The following CDS1 variants were observed in gnomAD, a reference collection of about 807,000 sequenced individuals.
The protein encoded by CDS1 is CDP-diacylglycerol synthase 1.
A neutral mutation model predicts 62.1 loss-of-function variants in CDS1; 41 were observed. That is an observed-to-expected ratio of 0.66 (90% CI 0.51 to 0.86). CDS1 has a LOEUF of 0.86. CDS1 is among the 40% of genes least tolerant of loss of function. The probability of loss-of-function intolerance (pLI) is 0.00; values close to 1 mark genes in which losing one functional copy is unlikely to be tolerated. For synonymous variants in CDS1, 185 were observed against 192.6 expected (o/e 0.96, Z 0.32); for missense variants, 470 against 550.1 (o/e 0.85, Z 1.46).
intron 1 of CDS1, among the ~76,000 whole-genome samples, chr4:84,595,230 G>T (rs1001759530): frequency 6.6e-6 from 1 of 152,134 alleles, no homozygotes; most frequent in Non-Finnish European, 1.5e-5. Flanking sequence ...CCTTAGGAAA[G>T]AATTCTGGCT....
At chr4:84,626,686 C>T (rs1282276722) in intron 5 of CDS1, among the ~76,000 whole-genome samples, 1 of 152,188 alleles carries the variant, frequency 6.6e-6, no homozygotes, top group Non-Finnish European at 1.5e-5. Context: ...TACTATATGT[C>T]TATTATCATT....
chr4:84,604,117 ATAG>A (rs1351606041), intron 1 of CDS1, 123 bp from the exon 2 acceptor site: 7 of 752,530 alleles, frequency 9.3e-6, no homozygotes, highest in East Asian at 8.1e-5. Context: ...TTCAAGATAA[ATAG>A]TAGTTTCTTT....
At chr4:84,616,868 G>A (rs747673772) in intron 3 of CDS1, among the ~76,000 whole-genome samples, 4 of 152,204 alleles carry the variant, frequency 2.6e-5, no homozygotes, top group African/African-American at 4.8e-5. Flanking sequence ...ATCTAAACCC[G>A]TTTAATAGGT....
rs1300113080 is a variant in CDS1 at position 84,605,831 on chromosome 4, A to G, written c.245+1461A>G. Among the ~76,000 whole-genome samples, 4 of 152,272 alleles carry G rather than the reference A, an allele frequency of 2.6e-5. No individual in the cohort carries two copies. In the East Asian group the frequency reaches 7.7e-4, roughly 29 times the overall value. On this transcript the variant is annotated intron_variant, in intron 2 of 12. Coordinates refer to ENST00000295887, the MANE Select transcript of CDS1 (RefSeq NM_001263.4). ...GTATTGTTTCAGGCACTTTATATGT[A>G]TTGACTAATATTCTCATGGCAGCCT...
At chr4:84,643,693 T>C (rs1428770641) in intron 11 of CDS1, among the ~76,000 whole-genome samples, 1 of 152,250 alleles carries the variant, frequency 6.6e-6, no homozygotes, top group African/African-American at 2.4e-5. Flanking sequence ...TGGGCATGGC[T>C]GGATTTAATA....
chr4:84,599,418 A>G (rs1484706621), intron 1 of CDS1, among the ~76,000 whole-genome samples: 8 of 18,314 alleles, frequency 4.4e-4, no homozygotes, highest in African/African-American at 1.3e-3. Flanking sequence ...ATATATATAT[A>G]TATATATATA....
At chr4:84,603,165 C>T (rs1205905149) in intron 1 of CDS1, among the ~76,000 whole-genome samples, 1 of 152,116 alleles carries the variant, frequency 6.6e-6, no homozygotes, top group Non-Finnish European at 1.5e-5. Flanking sequence ...ATGACATTTG[C>T]CAATGTTTTG....
chr4:84,627,914 T>C (rs529411374), intron 5 of CDS1, among the ~76,000 whole-genome samples: 1 of 152,294 alleles, frequency 6.6e-6, no homozygotes, highest in South Asian at 2.1e-4. Flanking sequence ...ATACACATGC[T>C]AGTATTGGTT....
intron 3 of CDS1, among the ~76,000 whole-genome samples, chr4:84,613,138 T>C (rs938635918): frequency 3.3e-5 from 5 of 152,062 alleles, no homozygotes; most frequent in Non-Finnish European, 5.9e-5. Context: ...AGAATATGGA[T>C]GATTCACACA....
At chr4:84,623,808 A>G (rs974870383) in intron 5 of CDS1, among the ~76,000 whole-genome samples, 1 of 151,984 alleles carries the variant, frequency 6.6e-6, no homozygotes, top group Admixed American at 6.6e-5. Context: ...GCGGGTGCTC[A>G]TGTCTTGAGT....
chr4:84,621,735 A>G (rs1441380584), intron 5 of CDS1, among the ~76,000 whole-genome samples: 1 of 152,078 alleles, frequency 6.6e-6, no homozygotes, highest in Admixed American at 6.6e-5. Context: ...CCTTTCATTC[A>G]GGTTTATTGT....
At chr4:84,640,210 A>G (rs1221784897) in intron 9 of CDS1, among the ~76,000 whole-genome samples, 1 of 149,622 alleles carries the variant, frequency 6.7e-6, no homozygotes, top group East Asian at 1.9e-4. Flanking sequence ...TTTGGAAGCA[A>G]AATCAGTTTA....
intron 1 of CDS1, among the ~76,000 whole-genome samples, chr4:84,589,166 C>T (rs574650065): frequency 6.6e-6 from 1 of 152,208 alleles, no homozygotes; most frequent in African/African-American, 2.4e-5. Context: ...ACCGACTTTC[C>T]CGTAAGGTTT....
At chr4:84,583,972 G>A (rs1217045546) in intron 1 of CDS1, among the ~76,000 whole-genome samples, 1 of 152,154 alleles carries the variant, frequency 6.6e-6, no homozygotes, top group Non-Finnish European at 1.5e-5. Context: ...GACGCGGGAG[G>A]CTTGGCTTCT....
chr4:84,587,856 G>A (rs572556491), intron 1 of CDS1, among the ~76,000 whole-genome samples: 1 of 152,196 alleles, frequency 6.6e-6, no homozygotes, highest in East Asian at 1.9e-4. Context: ...ATAGGGAGGA[G>A]CCCTCAGAGA....
chr4:84,648,446 A>G, intron 12 of CDS1, 111 bp from the exon 13 acceptor site: 1 of 971,288 alleles, frequency 1.0e-6, no homozygotes, highest in Non-Finnish European at 1.5e-6. Flanking sequence ...TAATTCTGTA[A>G]AGATTCCTAC....
At chr4:84,589,901 C>G (rs569721279) in intron 1 of CDS1, among the ~76,000 whole-genome samples, 1 of 152,196 alleles carries the variant, frequency 6.6e-6, no homozygotes, top group African/African-American at 2.4e-5. Flanking sequence ...AGCTCTGCCT[C>G]CCGGGTTCAC....
At chr4:84,635,625 G>GCCTGCTTTCCTT (rs1427979604) in intron 8 of CDS1, among the ~76,000 whole-genome samples, 3 of 53,536 alleles carry the variant, frequency 5.6e-5, no homozygotes, top group East Asian at 1.0e-3. Context: ...CTGCCTGCCT[G>GCCTGCTTTCCTT]CCTTCCTTCC....
intron 1 of CDS1, among the ~76,000 whole-genome samples, chr4:84,587,562 A>G (rs1055847944): frequency 6.6e-6 from 1 of 152,170 alleles, no homozygotes; most frequent in African/African-American, 2.4e-5. Context: ...GTCGGCAGGG[A>G]AGTGGGCTGG....
Sources: gnomAD v4.1 joint callset for allele counts (sites outside exome capture counted in the v4.1 genomes callset) on GRCh38, gnomAD v4.1.1 for gene constraint, MANE v1.5 for transcripts, NCBI Gene and HGNC (gene_info 2026-07-23, HGNC 2026-07-21) for gene names.